Variants in TBCE observed in about 807,000 individuals in gnomAD.
The protein encoded by TBCE is tubulin-specific chaperone E.
In TBCE, 53 loss-of-function variants were observed where a neutral mutation model predicts 77.0. The observed-to-expected ratio is 0.69, with a 90% CI of 0.55 to 0.87. The LOEUF is 0.87. Ranked by LOEUF, TBCE falls within the 40% of genes least tolerant of loss-of-function variation. The pLI is 0.00. For missense variants in TBCE, 624 were observed against 622.4 expected (o/e 1.00, Z -0.03); for synonymous variants, 235 against 241.3 (o/e 0.97, Z 0.24).
chr1:235,429,234 C>T (rs1331931051), intron 6 of TBCE: 1 of 152,020 alleles, frequency 6.6e-6, no homozygotes, highest in African/African-American at 2.4e-5. Context: ...GGTTTTCCAC[C>T]CACCTCGGCC....
chr1:235,371,485 C>T (rs1164893327), intron 1 of TBCE, among the ~76,000 whole-genome samples: 10 of 150,462 alleles, frequency 6.6e-5, no homozygotes, highest in Admixed American at 4.0e-4. Flanking sequence ...AAGTGATTCT[C>T]CCACCTCAGC....
intron 2 of TBCE, among the ~76,000 whole-genome samples, chr1:235,388,160 AG>A (rs1321325502): frequency 6.6e-6 from 1 of 152,150 alleles, no homozygotes; most frequent in Non-Finnish European, 1.5e-5. Flanking sequence ...CTTAAAATAT[AG>A]ATGTTACTAT....
chr1:235,449,028 G>T lies in TBCE; in HGVS notation c.*266G>T. The stretch of plus-strand genomic sequence containing the variant: ...AGCTCATCACTGCATTTCATGATAA[G>T]ATTTAAATATTAAATAGAAAGAAAC... On this transcript the variant is annotated 3_prime_UTR_variant, in exon 17 of 17. Coordinates refer to ENST00000642610, the MANE Select transcript of TBCE (RefSeq NM_003193.5). 1 of 366,274 alleles carries T rather than the reference G, an allele frequency of 2.7e-6. No individual in the cohort carries two copies. The highest frequency in any genetic ancestry group is 5.2e-6 in the Non-Finnish European group (1 of 193,786). 22.7% of individuals were successfully genotyped at this position (366,274 alleles called of 1,614,324 possible). A position where few individuals can be genotyped will look rare whatever the true frequency, so the allele number is the denominator to read the frequency against.
At position 235,406,243 on chromosome 1, in the gene TBCE, T is replaced by C. The variant is rs1195682115; in HGVS notation, c.185+4656T>C. Among the ~76,000 whole-genome samples the C allele has an allele frequency of 2.0e-5, 3 of 152,336 alleles. No homozygotes were observed. In the East Asian group the frequency reaches 5.8e-4, roughly 29 times the overall value. The stretch of plus-strand genomic sequence containing the variant: ...ACCACTGGTCTGGACTACAGGAATT[T>C]AACTGGTCCTTTAGAGTTTGATGAT... On this transcript the variant is annotated intron_variant, in intron 3 of 16. Transcript: ENST00000642610.
At chr1:235,420,596 C>T (rs1208285197) in intron 5 of TBCE, among the ~76,000 whole-genome samples, 5 of 151,584 alleles carry the variant, frequency 3.3e-5, no homozygotes, top group African/African-American at 1.2e-4. Context: ...AATTCTCCTG[C>T]CTCAGCCTCC....
At chr1:235,434,324 C>T (rs758716740) in intron 8 of TBCE, 44 bp downstream of exon 8, 1 of 1,482,786 alleles carries the variant, frequency 6.7e-7, no homozygotes, top group Non-Finnish European at 9.4e-7. Flanking sequence ...ATTTAATCAT[C>T]ATTCTGAGTA....
chr1:235,401,439 C>A, intron 2 of TBCE, 64 bp from the exon 3 acceptor site: 3 of 1,422,576 alleles, frequency 2.1e-6, no homozygotes, highest in Non-Finnish European at 3.0e-6. Flanking sequence ...TATTTGCTTG[C>A]AGAAAACTGG....
intron 7 of TBCE, chr1:235,433,215 C>T (rs573429947): frequency 2.4e-5 from 30 of 1,261,790 alleles, no homozygotes; most frequent in African/African-American, 3.1e-5. Context: ...TGGCCAAGGG[C>T]GTCATCTCAA....
intron 12 of TBCE, 36 bp from the exon 13 acceptor site, chr1:235,438,733 T>C: frequency 1.2e-6 from 2 of 1,614,038 alleles, no homozygotes; most frequent in Non-Finnish European, 1.7e-6. Context: ...GAAAAAAGCT[T>C]TGTAATAGGC....
At chr1:235,388,793 T>G (rs1218654120) in intron 2 of TBCE, among the ~76,000 whole-genome samples, 1 of 152,232 alleles carries the variant, frequency 6.6e-6, no homozygotes, top group African/African-American at 2.4e-5. Context: ...CCAGTACTCA[T>G]GGAAGAGGAA....
chr1:235,444,682 G>C (rs1238707825), intron 15 of TBCE, among the ~76,000 whole-genome samples: 2 of 152,230 alleles, frequency 1.3e-5, no homozygotes. Context: ...TGGGGTTATA[G>C]GTGTGAGCCA....
rs1558391047 is a variant in TBCE at position 235,438,860 on chromosome 1, A to T, written c.1208A>T (p.Glu403Val). 6.2e-7 allele frequency: 1 copy of T among 1,614,122 alleles called. No homozygotes were observed. Among genetic ancestry groups the T allele is most frequent in the Non-Finnish European group, 8.5e-7 (1 of 1,180,024 alleles). The change falls in exon 13 of 17, where the codon GAA becomes GTA. Residue 403 changes from glutamate (E) to valine (V), a missense_variant. Physicochemically the swap from Glu to Val is moderately radical, Grantham distance 121. Transcript: ENST00000642610. ...CAGGCTGGTGGACATAAGGATCCGG[A>T]AAAAAACAGACTCAGCGAAGAATTC... is the stretch of plus-strand genomic sequence containing the variant. The part of the protein sequence containing the change: ...WKQAGGHKDP[E>V]KNRLSEEFLT...
intron 13 of TBCE, among the ~76,000 whole-genome samples, chr1:235,439,410 G>A (rs1681683798): frequency 6.6e-6 from 1 of 151,200 alleles, no homozygotes; most frequent in East Asian, 2.0e-4. Context: ...GCAGGAGAAT[G>A]GTGTGAACCC....
At chr1:235,373,775 A>T (rs1232149195) in intron 1 of TBCE, among the ~76,000 whole-genome samples, 6 of 148,826 alleles carry the variant, frequency 4.0e-5, no homozygotes, top group Non-Finnish European at 4.5e-5. Flanking sequence ...CAGCCTCCCG[A>T]GTAGCTGGGA....
intron 15 of TBCE, among the ~76,000 whole-genome samples, chr1:235,447,784 GA>G (rs771592523): frequency 1.7e-4 from 26 of 152,292 alleles, no homozygotes; most frequent in Non-Finnish European, 3.8e-4. Context: ...ATACACTACT[GA>G]AATGGTATGA....
chr1:235,387,258 A>T (rs572814352), intron 2 of TBCE, among the ~76,000 whole-genome samples: 8 of 152,030 alleles, frequency 5.3e-5, no homozygotes, highest in Non-Finnish European at 1.0e-4. Flanking sequence ...TCAGGGACCC[A>T]CTTGAGGAGG....
chr1:235,371,932 C>T (rs1440512510), intron 1 of TBCE, among the ~76,000 whole-genome samples: 2 of 152,022 alleles, frequency 1.3e-5, no homozygotes, highest in African/African-American at 2.4e-5. Flanking sequence ...CCTTGGCCTC[C>T]CGAAGTGCTG....
At chr1:235,439,083 GAGGGCGGC>G (rs1010185834) in intron 13 of TBCE, 161 bp downstream of exon 13, 1 of 928,434 alleles carries the variant, frequency 1.1e-6, no homozygotes, top group Non-Finnish European at 1.7e-6. Flanking sequence ...TTCCTGGGGC[GAGGGCGGC>G]AGGGCAAGAG....
At chr1:235,401,697 A>G (rs1679114880) in intron 3 of TBCE, 110 bp downstream of exon 3, 1 of 939,010 alleles carries the variant, frequency 1.1e-6, no homozygotes, top group Non-Finnish European at 1.7e-6. Context: ...TAGTTATATT[A>G]TGGAATTTGT....
Sources: allele counts gnomAD v4.1 joint callset (sites outside exome capture counted in the v4.1 genomes callset), GRCh38; gene constraint gnomAD v4.1.1; transcripts MANE v1.5; gene names NCBI Gene and HGNC (gene_info 2026-07-23, HGNC 2026-07-21).